LTBP1: variants seen among roughly 807,000 people sequenced by gnomAD.
LTBP1 encodes the protein latent-transforming growth factor beta-binding protein 1.
A neutral mutation model predicts 207.6 loss-of-function variants in LTBP1; 129 were observed. That is an observed-to-expected ratio of 0.62 (90% CI 0.54 to 0.72). LTBP1 has a LOEUF of 0.72. Among genes scored for constraint, LTBP1 ranks in the 30% least tolerant of loss-of-function variants. The probability of loss-of-function intolerance (pLI) is 0.00; values close to 1 mark genes in which losing one functional copy is unlikely to be tolerated. For missense variants in LTBP1, 2,281 were observed against 2,217.2 expected, an observed-to-expected ratio of 1.03 and a Z score of -0.58; for synonymous variants, 963 against 833.7, an observed-to-expected ratio of 1.16 and a Z score of -2.67.
chr2:33,387,735 G>A (rs892004578), intron 31 of LTBP1, among the ~76,000 whole-genome samples: 1 of 43,988 alleles, frequency 2.3e-5, no homozygotes, highest in African/African-American at 2.0e-4. Flanking sequence ...GCCTTGGTGG[G>A]GTTTTTTTTT....
intron 2 of LTBP1, among the ~76,000 whole-genome samples, chr2:33,020,147 T>C (rs1325991447): frequency 6.6e-6 from 1 of 152,196 alleles, no homozygotes; most frequent in East Asian, 1.9e-4. Flanking sequence ...CCTAGCACAC[T>C]GGATTTTTAT....
chr2:33,049,223 T>C (rs2076602798), intron 3 of LTBP1, among the ~76,000 whole-genome samples: 1 of 152,206 alleles, frequency 6.6e-6, no homozygotes, highest in African/African-American at 2.4e-5. Context: ...ACTAAAATCT[T>C]CCGGAGAGTT....
At chr2:33,202,730 T>C (rs2089453739) in intron 7 of LTBP1, among the ~76,000 whole-genome samples, 1 of 152,186 alleles carries the variant, frequency 6.6e-6, no homozygotes, top group African/African-American at 2.4e-5. Flanking sequence ...CAGAGGTGAA[T>C]TGTGGCTCTC....
intron 19 of LTBP1, among the ~76,000 whole-genome samples, chr2:33,280,963 T>A (rs935938709): frequency 3.3e-5 from 5 of 152,138 alleles, no homozygotes; most frequent in African/African-American, 1.2e-4. Flanking sequence ...TCTCAGCTAC[T>A]TGAAGGCTGA....
At chr2:33,168,369 A>C (rs1236866202) in intron 5 of LTBP1, among the ~76,000 whole-genome samples, 1 of 150,884 alleles carries the variant, frequency 6.6e-6, no homozygotes, top group Non-Finnish European at 1.5e-5. Context: ...CTGAGGGACA[A>C]AGTGACAAAG....
At chr2:33,260,632 A>G (rs2092985232) in intron 13 of LTBP1, among the ~76,000 whole-genome samples, 1 of 152,232 alleles carries the variant, frequency 6.6e-6, no homozygotes, top group Admixed American at 6.5e-5. Flanking sequence ...GCACTCGTCC[A>G]GAAAGAGGTT....
At chr2:33,177,186 A>T (rs1441070235) in intron 5 of LTBP1, among the ~76,000 whole-genome samples, 1 of 152,204 alleles carries the variant, frequency 6.6e-6, no homozygotes. Flanking sequence ...CAGTTACATT[A>T]GTGTAATCGA....
At chr2:33,283,878 CCT>C (rs941961342) in intron 19 of LTBP1, among the ~76,000 whole-genome samples, 7 of 152,254 alleles carry the variant, frequency 4.6e-5, no homozygotes, top group African/African-American at 1.4e-4. Context: ...TTCTAACTCT[CCT>C]CTCACTGAGT....
At chr2:33,339,257 G>C (rs960427320) in intron 24 of LTBP1, among the ~76,000 whole-genome samples, 1 of 152,068 alleles carries the variant, frequency 6.6e-6, no homozygotes, top group Admixed American at 6.6e-5. Context: ...TAATAAATTC[G>C]TTTATTATGA....
rs1401641188 is a variant in LTBP1 at position 33,266,045 on chromosome 2, C to G, written c.2617+2653C>G. 3.3e-5 allele frequency among the ~76,000 whole-genome samples: 5 copies of G among 152,206 alleles called. No individual in the cohort carries two copies. The East Asian group carries it at 7.7e-4, about 23-fold the overall frequency. ...CAGCTACAGTCACCTAGCCACGGCT[C>G]CAGATCTAGACATCCCTGCACTCTA... On this transcript the variant is annotated intron_variant, in intron 15 of 33. Coordinates refer to ENST00000404816, the MANE Select transcript of LTBP1 (RefSeq NM_206943.4).
Position 33,188,586 on chromosome 2 carries a change from C to G in LTBP1, c.1436C>G (p.Pro479Arg), listed in dbSNP as rs202164294. ...TCCCAATCTGTTGTAGTGAAATTTC[C>G]TCCTAACATAGTCAATATCCATGTG... ...TSQQGVKVKFPPNIVNIHVKH... is the reference protein window; with the variant it reads ...TSQQGVKVKFRPNIVNIHVKH... Residue 479 changes from proline to arginine, a missense_variant, in exon 7 of 34, where the codon CCT becomes CGT. By Grantham distance (103) the Pro-to-Arg change is moderately radical. This residue lies in a region of LTBP1 where 1,671 missense variants were observed against 1,634.8 expected (regional missense o/e 1.02). Coordinates refer to ENST00000404816, the MANE Select transcript of LTBP1 (RefSeq NM_206943.4). The G allele has an allele frequency of 6.8e-5, 110 of 1,610,638 alleles. No homozygotes were observed. Among genetic ancestry groups the G allele is most frequent in the Middle Eastern group, 3.3e-4 (2 of 6,076 alleles).
At chr2:33,333,635 G>C (rs2094521965) in intron 24 of LTBP1, among the ~76,000 whole-genome samples, 1 of 152,158 alleles carries the variant, frequency 6.6e-6, no homozygotes, top group Non-Finnish European at 1.5e-5. Context: ...TTGCTGACAT[G>C]GTAAAAAAAC....
intron 3 of LTBP1, among the ~76,000 whole-genome samples, chr2:33,042,107 T>C (rs1318691832): frequency 6.6e-6 from 1 of 152,228 alleles, no homozygotes; most frequent in Non-Finnish European, 1.5e-5. Flanking sequence ...TCTTTTCACA[T>C]GCTTTTGAGT....
At chr2:33,183,321 A>G (rs1485731038) in intron 5 of LTBP1, among the ~76,000 whole-genome samples, 1 of 152,110 alleles carries the variant, frequency 6.6e-6, no homozygotes, top group Admixed American at 6.6e-5. Flanking sequence ...TGTGATTTTT[A>G]TCCCTCTGAG....
intron 12 of LTBP1, among the ~76,000 whole-genome samples, chr2:33,258,445 G>C (rs187370140): frequency 2.6e-5 from 4 of 152,304 alleles, no homozygotes; most frequent in Admixed American, 2.6e-4. Context: ...CCTTCTTGGT[G>C]AGGCAGGCTT....
chr2:33,395,491 T>C (rs2095350550), intron 32 of LTBP1, among the ~76,000 whole-genome samples: 1 of 152,186 alleles, frequency 6.6e-6, no homozygotes, highest in Non-Finnish European at 1.5e-5. Flanking sequence ...GATTCACTTA[T>C]TGTATATTTT....
chr2:33,374,647 T>C (rs142803786), intron 31 of LTBP1, among the ~76,000 whole-genome samples: 11 of 152,310 alleles, frequency 7.2e-5, no homozygotes, highest in African/African-American at 2.4e-4. Flanking sequence ...AAGCCAGTTA[T>C]GTTGTTCCTC....
rs766326402 is a variant in LTBP1, at chr2:32,947,662, T to C, written c.338T>C (p.Val113Ala). 1 of 1,428,160 alleles carries C rather than the reference T, an allele frequency of 7.0e-7. No homozygotes were observed. The highest frequency in any genetic ancestry group is 2.7e-5 in the Admixed American group (1 of 37,182). The allele number at this position is 1,428,160 out of a possible 1,614,324, so 88.5% of individuals were successfully genotyped here. Reference protein sequence around the residue: ...PPPPEPARPAVPGGQLHPNPG... With the variant: ...PPPPEPARPAAPGGQLHPNPG... ...CCGCCGGAGCCTGCGCGTCCCGCGG[T>C]CCCCGGCGGGCAGCTCCACCCCAAT... is the stretch of plus-strand genomic sequence containing the variant. The change falls in exon 1 of 34, where the codon GTC becomes GCC. Residue 113 changes from valine to alanine, a missense_variant. Physicochemically the swap from Val to Ala is moderately conservative, Grantham distance 64. Transcript: ENST00000404816.
intron 2 of LTBP1, among the ~76,000 whole-genome samples, chr2:32,981,484 TTGA>T: frequency 6.6e-6 from 1 of 152,256 alleles, no homozygotes; most frequent in Admixed American, 6.5e-5. Flanking sequence ...CTATGCAGAG[TTGA>T]TGATTTTTCA....
Sources: gnomAD v4.1 joint callset for allele counts (sites outside exome capture counted in the v4.1 genomes callset) on GRCh38, gnomAD v4.1.1 for gene constraint, gnomAD v4.1.1 regional missense constraint, MANE v1.5 for transcripts, NCBI Gene and HGNC (gene_info 2026-07-23, HGNC 2026-07-21) for gene names.